RRM2: variants seen among roughly 807,000 people sequenced by gnomAD.
RRM2 encodes ribonucleoside-diphosphate reductase subunit M2.
RRM2 carries 6 observed loss-of-function variants against 45.9 expected under a neutral mutation model. That is an observed-to-expected ratio of 0.13 (90% CI 0.07 to 0.26). The LOEUF is 0.26. RRM2 is among the 10% of genes least tolerant of loss of function. The pLI, the probability that RRM2 is intolerant of heterozygous loss-of-function variation, is 1.00. For synonymous variants in RRM2, 177 were observed against 173.0 expected, an observed-to-expected ratio of 1.02 and a Z score of -0.18; for missense variants, 343 against 489.5, an observed-to-expected ratio of 0.70 and a Z score of 2.82.
Position 10,165,739 on chromosome 2 carries a change from C to T in RRM2, n.482+23364C>T, listed in dbSNP as rs886409161. On this transcript the variant is annotated intron_variant and non_coding_transcript_variant, in intron 3 of 3. Coordinates refer to the RRM2 transcript ENST00000381786. ...GGCAAAGAGATCAGAGACTGGTTCA[C>T]CCAGAGAGACCGGGATGCTGCCTTC... Among the ~76,000 whole-genome samples, 8 of 152,324 alleles carry T rather than the reference C, an allele frequency of 5.3e-5. No individual in the cohort carries two copies. The South Asian group carries it at 1.0e-3, about 20-fold the overall frequency.
chr2:10,169,113 C>T lies in RRM2; in HGVS notation n.482+26738C>T, dbSNP rs1418121833. ...TCAGCCTTCCAAGTAGCTGGGACTA[C>T]AGGCACATGTCACCATGCCCAGCTA... On this transcript the variant is annotated intron_variant and non_coding_transcript_variant, in intron 3 of 3. Transcript: ENST00000381786. This position sits in a 1 kb window ranked among gnomAD's most constrained non-coding sequence, Gnocchi z 5.1. Among the ~76,000 whole-genome samples, 2 of 151,832 alleles carry T rather than the reference C, an allele frequency of 1.3e-5. No individual in the cohort carries two copies. The highest frequency in any genetic ancestry group is 1.9e-4 in the East Asian group (1 of 5,184).
At chr2:10,143,261 C>T (rs375230319) in intron 3 of RRM2, among the ~76,000 whole-genome samples, 1 of 152,198 alleles carries the variant, frequency 6.6e-6, no homozygotes, top group African/African-American at 2.4e-5. Context: ...CCCACCCACC[C>T]GCTCCTGATC....
chr2:10,209,021 A>G (rs1284238896), intron 3 of RRM2, among the ~76,000 whole-genome samples: 1 of 131,352 alleles, frequency 7.6e-6, no homozygotes, highest in Non-Finnish European at 1.7e-5. Context: ...TCCCTGCTGC[A>G]GAAAGTGGTT....
At position 10,204,071 on chromosome 2, in the gene RRM2, C is replaced by T. The variant is rs564325388; in HGVS notation, n.483-6240C>T. ...CTGAGCATACTTTAGCCTTCTAGCA[C>T]ACTCCTCTCTTCCCCTAAAATTAGC... On this transcript the variant is annotated intron_variant and non_coding_transcript_variant, in intron 3 of 3. Coordinates refer to the RRM2 transcript ENST00000381786. The surrounding 1 kb of genome is among the most constrained non-coding windows in gnomAD (Gnocchi z 4.0). Among the ~76,000 whole-genome samples the T allele has an allele frequency of 6.6e-6, 1 of 152,108 alleles. No individual in the cohort carries two copies. The highest frequency in any genetic ancestry group is 2.4e-5 in the African/African-American group (1 of 41,416).
exon 4 of RRM2, chr2:10,210,716 G>GT: frequency 2.2e-6 from 2 of 898,786 alleles, no homozygotes; most frequent in Non-Finnish European, 3.1e-6. Flanking sequence ...TGAGCCCACA[G>GT]GGTGGAGCAC....
At chr2:10,142,817 G>A (rs547911304) in intron 3 of RRM2, among the ~76,000 whole-genome samples, 4 of 152,314 alleles carry the variant, frequency 2.6e-5, no homozygotes, top group South Asian at 2.1e-4. Flanking sequence ...CCAGGTGCCC[G>A]CGGGCTCCCC....
At chr2:10,164,164 G>T (rs1375870151) in intron 3 of RRM2, among the ~76,000 whole-genome samples, 1 of 151,874 alleles carries the variant, frequency 6.6e-6, no homozygotes, top group Non-Finnish European at 1.5e-5. Context: ...TTTGAATGGA[G>T]CCCAGGGTGT....
chr2:10,191,557 G>A (rs745870407), intron 3 of RRM2, among the ~76,000 whole-genome samples: 20 of 152,136 alleles, frequency 1.3e-4, no homozygotes, highest in Non-Finnish European at 2.8e-4. Flanking sequence ...AGGCAGAGGA[G>A]GTACCGCTGC....
intron 3 of RRM2, chr2:10,199,206 C>A (rs550451034): frequency 7.3e-6 from 1 of 137,456 alleles, no homozygotes; most frequent in Admixed American, 8.0e-5. Context: ...AGGCAGCGCC[C>A]ACTGAAACAT....
At position 10,123,457 on chromosome 2, in the gene RRM2, T is replaced by G; in HGVS notation, c.245T>G (p.Ile82Ser). The change falls in exon 3 of 10, where the codon ATC becomes AGC. Residue 82 changes from isoleucine to serine, a missense_variant. Ile to Ser is a moderately radical substitution (Grantham distance 142). Coordinates refer to ENST00000304567, the MANE Select transcript of RRM2 (RefSeq NM_001034.4). ...AGAGAAAACCCCCGCCGCTTTGTCA[T>G]CTTCCCCATCGAGTACCATGATATC... ...LLRENPRRFV[I>S]FPIEYHDIWQ... The G allele has an allele frequency of 6.2e-7, 1 of 1,614,204 alleles. No homozygotes were observed. Among genetic ancestry groups the G allele is most frequent in the Non-Finnish European group, 8.5e-7 (1 of 1,180,024 alleles).
chr2:10,167,519 G>T (rs1403479118), intron 3 of RRM2, among the ~76,000 whole-genome samples: 3 of 152,204 alleles, frequency 2.0e-5, no homozygotes, highest in African/African-American at 7.2e-5. Context: ...GCTGCGCCCT[G>T]CCTTGCTTCT....
intron 3 of RRM2, among the ~76,000 whole-genome samples, chr2:10,151,618 C>A (rs4668665): frequency 0.055 from 8,430 of 152,130 alleles, 335 homozygotes; most frequent in Middle Eastern, 0.11. Context: ...TGAGGAGGTG[C>A]ATAGGAGCAG....
At chr2:10,159,562 G>A (rs985994899) in intron 3 of RRM2, among the ~76,000 whole-genome samples, 2 of 152,198 alleles carry the variant, frequency 1.3e-5, no homozygotes, top group Admixed American at 1.3e-4. Context: ...AGCTCTGAGC[G>A]GTGTTTTTCA....
intron 3 of RRM2, among the ~76,000 whole-genome samples, chr2:10,157,361 C>T (rs372238849): frequency 6.6e-6 from 1 of 152,156 alleles, no homozygotes; most frequent in African/African-American, 2.4e-5. Context: ...TAAATTATTA[C>T]ACTACAGAAA....
At chr2:10,150,713 G>A (rs1663290921) in intron 3 of RRM2, among the ~76,000 whole-genome samples, 1 of 145,084 alleles carries the variant, frequency 6.9e-6, no homozygotes, top group Admixed American at 6.9e-5. Flanking sequence ...ACTGCTTTCC[G>A]TCGCCAGAGT....
At chr2:10,161,271 C>CTGG (rs1168003337) in intron 3 of RRM2, among the ~76,000 whole-genome samples, 1 of 152,206 alleles carries the variant, frequency 6.6e-6, no homozygotes, top group Non-Finnish European at 1.5e-5. Flanking sequence ...GTTGCCCAGG[C>CTGG]TGGTCTTGAA....
At chr2:10,210,499 G>A (rs556910395) in exon 4 of RRM2, 6 of 1,367,758 alleles carry the variant, frequency 4.4e-6, no homozygotes, top group Non-Finnish European at 5.9e-6. Flanking sequence ...TGCACAGAGG[G>A]CGCTGGGCTC....
intron 3 of RRM2, among the ~76,000 whole-genome samples, chr2:10,143,810 G>T (rs1017452191): frequency 6.6e-6 from 1 of 152,188 alleles, no homozygotes; most frequent in Non-Finnish European, 1.5e-5. Flanking sequence ...TGGGACTACA[G>T]GTGTGCACCA....
At chr2:10,165,118 A>AT (rs1263358299) in intron 3 of RRM2, among the ~76,000 whole-genome samples, 1 of 152,046 alleles carries the variant, frequency 6.6e-6, no homozygotes, top group Non-Finnish European at 1.5e-5. Context: ...CACCTAGCTG[A>AT]TTTTTTATAT....
Sources: allele counts gnomAD v4.1 joint callset (sites outside exome capture counted in the v4.1 genomes callset), GRCh38; gene constraint gnomAD v4.1.1; non-coding constraint Gnocchi (gnomAD v3.1); transcripts MANE v1.5; gene names NCBI Gene and HGNC (gene_info 2026-07-23, HGNC 2026-07-21).